ACCSL: variants seen among roughly 807,000 people sequenced by gnomAD.
ACCSL encodes 1-aminocyclopropane-1-carboxylate synthase homolog (inactive) like.
ACCSL carries 55 observed loss-of-function variants against 61.7 expected under a neutral mutation model. That is an observed-to-expected ratio of 0.89 (90% CI 0.72 to 1.12). The LOEUF (loss-of-function observed/expected upper bound fraction) is 1.12, where lower values mean the gene tolerates loss of function less well. Ranked by LOEUF, ACCSL falls within the 50% of genes most tolerant of loss-of-function variation. The probability of loss-of-function intolerance (pLI) is 0.00; values close to 1 mark genes in which losing one functional copy is unlikely to be tolerated. For synonymous variants in ACCSL, 258 were observed against 264.3 expected (o/e 0.98, Z 0.23); for missense variants, 632 against 698.0 (o/e 0.91, Z 1.07).
chr11:43,943,444 G>A, the ACCSL span: 63 of 1,432,324 alleles, frequency 4.4e-5, no homozygotes, highest in Middle Eastern at 5.6e-4. This position sits in a 1 kb window ranked among gnomAD's most constrained non-coding sequence, Gnocchi z 4.8. Context: ...TGCGCCCCTC[G>A]CCGCGCTCGC....
chr11:43,998,747 A>C, the ACCSL span, among the ~76,000 whole-genome samples: 3 of 148,110 alleles, frequency 2.0e-5, no homozygotes, highest in Middle Eastern at 3.5e-3. Context: ...TTATTTATTC[A>C]TTCATTGTCA....
At chr11:43,940,270 G>A in the ACCSL span, among the ~76,000 whole-genome samples, 7 of 152,082 alleles carry the variant, frequency 4.6e-5, no homozygotes, top group Middle Eastern at 3.2e-3. Context: ...GTGAGCCACC[G>A]TGCCTGGCCT....
the ACCSL span, among the ~76,000 whole-genome samples, chr11:44,021,751 G>A: frequency 6.6e-6 from 1 of 152,088 alleles, no homozygotes; most frequent in Non-Finnish European, 1.5e-5. Context: ...ATGGTTTCAG[G>A]TCTTAGATTT....
chr11:43,997,257 G>A, the ACCSL span, among the ~76,000 whole-genome samples: 19 of 152,228 alleles, frequency 1.2e-4, 1 homozygote, highest in Admixed American at 6.5e-4. Context: ...AGAGGGCCCC[G>A]TCTTGCTGCT....
chr11:43,967,299 T>G, the ACCSL span, among the ~76,000 whole-genome samples: 284 of 148,688 alleles, frequency 1.9e-3, 2 homozygotes, highest in African/African-American at 6.6e-3. Flanking sequence ...TGCCTCAGCC[T>G]CCCGAGTAGC....
chr11:43,981,118 A>AACAAACAG, the ACCSL span, among the ~76,000 whole-genome samples: 1 of 152,100 alleles, frequency 6.6e-6, no homozygotes, highest in Admixed American at 6.6e-5. Context: ...CAAACAAACA[A>AACAAACAG]AAACCAGTAC....
the ACCSL span, among the ~76,000 whole-genome samples, chr11:43,962,834 G>A: frequency 6.6e-6 from 1 of 152,204 alleles, no homozygotes; most frequent in Non-Finnish European, 1.5e-5. Flanking sequence ...GTAAAAGCCT[G>A]TAACTGCTTA....
the ACCSL span, chr11:43,943,985 G>A: frequency 4.5e-6 from 3 of 669,388 alleles, no homozygotes; most frequent in Non-Finnish European, 6.4e-6. This position sits in a 1 kb window ranked among gnomAD's most constrained non-coding sequence, Gnocchi z 4.8. Context: ...CAGGGAGCCG[G>A]GAGTGGAGCT....
the ACCSL span, among the ~76,000 whole-genome samples, chr11:43,980,834 A>G: frequency 6.7e-6 from 1 of 149,974 alleles, no homozygotes. Flanking sequence ...CTCACCTCCA[A>G]CTATGGGGTA....
the ACCSL span, among the ~76,000 whole-genome samples, chr11:44,029,849 G>A: frequency 6.6e-6 from 1 of 151,830 alleles, no homozygotes; most frequent in South Asian, 2.1e-4. Flanking sequence ...CTAAGCAGGG[G>A]TCCCTGGGAC....
the ACCSL span, among the ~76,000 whole-genome samples, chr11:43,982,208 C>G: frequency 1.3e-5 from 2 of 149,066 alleles, no homozygotes; most frequent in African/African-American, 4.9e-5. Context: ...TGTCCTGCCT[C>G]TCCCACCCCA....
the ACCSL span, among the ~76,000 whole-genome samples, chr11:44,017,616 G>A: frequency 1.8e-4 from 27 of 152,180 alleles, no homozygotes; most frequent in Non-Finnish European, 3.2e-4. Flanking sequence ...AGTGCAGCCA[G>A]ACATCAGGTT....
the ACCSL span, among the ~76,000 whole-genome samples, chr11:44,021,756 AGATTT>A: frequency 1.3e-5 from 2 of 152,152 alleles, no homozygotes; most frequent in Non-Finnish European, 2.9e-5. Flanking sequence ...TTCAGGTCTT[AGATTT>A]AAGTCTTTGA....
chr11:43,960,306 T>C, the ACCSL span, among the ~76,000 whole-genome samples: 1 of 152,214 alleles, frequency 6.6e-6, no homozygotes, highest in Non-Finnish European at 1.5e-5. Context: ...CATTCCTTTT[T>C]CCTTTAATTT....
chr11:44,053,811 G>A (rs1195748635), intron 8 of ACCSL, among the ~76,000 whole-genome samples: 1 of 152,150 alleles, frequency 6.6e-6, no homozygotes, highest in Non-Finnish European at 1.5e-5. Flanking sequence ...GCAGTGAGCC[G>A]AGATCATGCC....
At chr11:43,962,292 C>T in the ACCSL span, among the ~76,000 whole-genome samples, 1 of 152,164 alleles carries the variant, frequency 6.6e-6, no homozygotes, top group Admixed American at 6.6e-5. Flanking sequence ...TTCTCTCCTG[C>T]AATAGCCAGA....
chr11:44,046,501 A>T (rs1952598108), upstream of ACCSL, among the ~76,000 whole-genome samples: 1 of 152,268 alleles, frequency 6.6e-6, no homozygotes, highest in Admixed American at 6.5e-5. Context: ...ACCTGGGCAG[A>T]CACTGAACAA....
the ACCSL span, among the ~76,000 whole-genome samples, chr11:43,932,414 C>T: frequency 6.6e-6 from 1 of 152,170 alleles, no homozygotes; most frequent in Non-Finnish European, 1.5e-5. Flanking sequence ...ACCACAGATG[C>T]GCACCAACAT....
chr11:44,016,603 C>G, the ACCSL span, among the ~76,000 whole-genome samples: 1 of 151,998 alleles, frequency 6.6e-6, no homozygotes, highest in Non-Finnish European at 1.5e-5. Context: ...GGGTCCAGCT[C>G]TGGGAAAAGG....
Sources: allele counts gnomAD v4.1 joint callset (sites outside exome capture counted in the v4.1 genomes callset), GRCh38; gene constraint gnomAD v4.1.1; non-coding constraint Gnocchi (gnomAD v3.1); transcripts MANE v1.5; gene names NCBI Gene and HGNC (gene_info 2026-07-23, HGNC 2026-07-21).